EDAR: variants seen among roughly 807,000 people sequenced by gnomAD.
EDAR encodes the protein tumor necrosis factor receptor superfamily member EDAR.
In EDAR, 38 loss-of-function variants were observed where a neutral mutation model predicts 51.3. The ratio of observed to expected loss-of-function variants is 0.74; its 90% CI spans 0.57 to 0.97. The LOEUF (loss-of-function observed/expected upper bound fraction) is 0.97, where lower values mean the gene tolerates loss of function less well. Ranked by LOEUF, EDAR falls within the 50% of genes least tolerant of loss-of-function variation. The pLI is 0.00. For synonymous variants in EDAR, 227 were observed against 242.1 expected (o/e 0.94, Z 0.58); for missense variants, 528 against 595.0 (o/e 0.89, Z 1.17).
At chr2:108,906,201 T>C (rs1245316949) in intron 11 of EDAR, 107 bp downstream of exon 11, 2 of 1,160,456 alleles carry the variant, frequency 1.7e-6, no homozygotes, top group Non-Finnish European at 2.6e-6. Context: ...GGCAACTGGA[T>C]GGGCGGCTTC....
rs1455991817 is a variant in EDAR, at chr2:108,930,249, A to G, written c.52-7T>C. The G allele has an allele frequency of 6.2e-7, 1 of 1,614,098 alleles. No individual in the cohort carries two copies. The highest frequency in any genetic ancestry group is 2.2e-5 in the East Asian group (1 of 44,882). ...CTGAGCACATCAGAGACACCTGCCA[A>G]CAAAGGGGGGTGTTGTGGCCTCCGT... is the stretch of plus-strand genomic sequence containing the variant. On this transcript the variant is annotated splice_polypyrimidine_tract_variant and splice_region_variant and intron_variant, in intron 2 of 11. Transcript: ENST00000258443.
rs1697354639 is a variant in EDAR at position 108,930,907 on chromosome 2, A to C, written c.51+57T>G. On this transcript the variant is annotated intron_variant, in intron 2 of 11. Coordinates refer to ENST00000258443, the MANE Select transcript of EDAR (RefSeq NM_022336.4). ...TTTACAGCTGAAGAGGCCAAGAAAC[A>C]GTCCAACCATCATGAGGATGAGGGT... 6 of 1,578,578 alleles carry C rather than the reference A, an allele frequency of 3.8e-6. No individual in the cohort carries two copies. In the African/African-American group the frequency reaches 8.1e-5, roughly 21 times the overall value.
At chr2:108,965,337 T>C (rs991460039) in intron 1 of EDAR, among the ~76,000 whole-genome samples, 2 of 151,426 alleles carry the variant, frequency 1.3e-5, no homozygotes, top group Non-Finnish European at 2.9e-5. Flanking sequence ...CAAAATTAGC[T>C]GGGCGTGGTG....
At chr2:108,921,955 C>T (rs1697149329) in intron 5 of EDAR, among the ~76,000 whole-genome samples, 1 of 152,250 alleles carries the variant, frequency 6.6e-6, no homozygotes, top group Non-Finnish European at 1.5e-5. Context: ...TTCAGTAAAG[C>T]AGGCAAGGGC....
chr2:108,948,103 T>C lies in EDAR; in HGVS notation c.-18-17071A>G, dbSNP rs563413657. On this transcript the variant is annotated intron_variant, in intron 1 of 11. Coordinates refer to ENST00000258443, the MANE Select transcript of EDAR (RefSeq NM_022336.4). ...TTCTTCTGCCAGATGCCCTAAATCA[T>C]CTCTCTCAATTTCAAAGTTCCACGG... is the stretch of plus-strand genomic sequence containing the variant. Among the ~76,000 whole-genome samples the C allele has an allele frequency of 3.9e-5, 6 of 152,332 alleles. No homozygotes were observed. In the South Asian group the frequency reaches 1.2e-3, roughly 32 times the overall value.
At chr2:108,939,926 G>A (rs1194386716) in intron 1 of EDAR, among the ~76,000 whole-genome samples, 2 of 152,192 alleles carry the variant, frequency 1.3e-5, no homozygotes, top group African/African-American at 4.8e-5. Context: ...TGGTGTGATG[G>A]AGACGAGGCC....
intron 5 of EDAR, among the ~76,000 whole-genome samples, chr2:108,918,675 C>T (rs554544286): frequency 6.6e-6 from 1 of 152,290 alleles, no homozygotes; most frequent in East Asian, 1.9e-4. Flanking sequence ...GTTCCCCTTC[C>T]CCAGGAATGC....
chr2:108,927,160 C>T (rs368494197), intron 4 of EDAR, among the ~76,000 whole-genome samples: 9 of 152,314 alleles, frequency 5.9e-5, no homozygotes, highest in South Asian at 4.1e-4. Flanking sequence ...CGGAGCAGTG[C>T]GAAGGCACTC....
intron 1 of EDAR, among the ~76,000 whole-genome samples, chr2:108,982,441 A>G (rs1698435763): frequency 6.6e-6 from 1 of 152,394 alleles, no homozygotes; most frequent in Admixed American, 6.5e-5. Context: ...AACTAGGGAC[A>G]TTGGCGTTTG....
At chr2:108,900,990 GA>G (rs1241426966) in intron 11 of EDAR, among the ~76,000 whole-genome samples, 2 of 151,734 alleles carry the variant, frequency 1.3e-5, no homozygotes, top group East Asian at 1.9e-4. Context: ...AGAACAATTA[GA>G]AAAAAAATCA....
chr2:108,982,699 G>C (rs566701758), intron 1 of EDAR, among the ~76,000 whole-genome samples: 87 of 152,316 alleles, frequency 5.7e-4, no homozygotes, highest in Admixed American at 1.8e-3. Flanking sequence ...AAACCAACTG[G>C]CAGTAATTCT....
At chr2:108,930,343 TG>T (rs1574386540) in intron 2 of EDAR, 101 bp from the exon 3 acceptor site, 2 of 1,399,886 alleles carry the variant, frequency 1.4e-6, no homozygotes, top group Non-Finnish European at 2.0e-6. Context: ...TGCCCTGCGG[TG>T]GGGGCTCTGC....
At chr2:108,913,777 C>T (rs547266738) in intron 5 of EDAR, among the ~76,000 whole-genome samples, 245 of 151,960 alleles carry the variant, frequency 1.6e-3, no homozygotes, top group Admixed American at 5.4e-3. Flanking sequence ...AGGGAAACCC[C>T]GTCTCTACTA....
At position 108,930,937 on chromosome 2, in the gene EDAR, TG is replaced by T. The variant is rs751799138; in HGVS notation, c.51+26del. The T allele has an allele frequency of 1.9e-6, 3 of 1,613,470 alleles. No individual in the cohort carries two copies. The South Asian group carries it at 3.3e-5, about 18-fold the overall frequency. On this transcript the variant is annotated intron_variant, in intron 2 of 11. Transcript: ENST00000258443. ...AACCATCATGAGGATGAGGGTGCTG[TG>T]GGGGTAAGGGGCTCAGACCACTTAC...
intron 1 of EDAR, among the ~76,000 whole-genome samples, chr2:108,958,888 G>C (rs1574405211): frequency 6.6e-6 from 1 of 152,196 alleles, no homozygotes; most frequent in Admixed American, 6.5e-5. Flanking sequence ...CCAAGTTTGG[G>C]GCAGGTGACA....
intron 1 of EDAR, among the ~76,000 whole-genome samples, chr2:108,962,623 C>A (rs260688): frequency 1.4e-4 from 20 of 146,756 alleles, no homozygotes; most frequent in Admixed American, 1.0e-3. Context: ...TGCAGAGAGC[C>A]GAGATCGCTC....
At chr2:108,944,932 G>A (rs1697687015) in intron 1 of EDAR, among the ~76,000 whole-genome samples, 1 of 152,190 alleles carries the variant, frequency 6.6e-6, no homozygotes, top group African/African-American at 2.4e-5. Context: ...TGAGCAGAAG[G>A]CCTAGGGTGT....
At chr2:108,944,394 G>A (rs1697674390) in intron 1 of EDAR, among the ~76,000 whole-genome samples, 1 of 152,212 alleles carries the variant, frequency 6.6e-6, no homozygotes, top group African/African-American at 2.4e-5. Flanking sequence ...GATTACAGGC[G>A]TGAACCACCG....
At position 108,923,386 on chromosome 2, in the gene EDAR, G is replaced by A. The variant is rs1280739041; in HGVS notation, c.424C>T (p.Pro142Ser). 3 of 1,614,068 alleles carry A rather than the reference G, an allele frequency of 1.9e-6. No homozygotes were observed. Among genetic ancestry groups the A allele is most frequent in the East Asian group, 2.2e-5 (1 of 44,902 alleles). The stretch of plus-strand genomic sequence containing the variant: ...CACTCACATTCCTTGGTGTTGGGGG[G>A]TGCCAGGAGGCAGGAGTAGCAGACC... ...GMVCYSCLLAPPNTKECVGAT... is the reference protein window; with the variant it reads ...GMVCYSCLLASPNTKECVGAT... Residue 142 changes from proline (P) to serine (S), a missense_variant, in exon 5 of 12, where the codon CCC becomes TCC. Transcript: ENST00000258443.
Sources: gnomAD v4.1 joint callset for allele counts (sites outside exome capture counted in the v4.1 genomes callset) on GRCh38, gnomAD v4.1.1 for gene constraint, MANE v1.5 for transcripts, NCBI Gene and HGNC (gene_info 2026-07-23, HGNC 2026-07-21) for gene names.